The following IL37 variants were observed in gnomAD, a reference collection of about 807,000 sequenced individuals.
IL37 encodes interleukin 37, also known as interleukin-37.
In IL37, 15 loss-of-function variants were observed where a neutral mutation model predicts 15.4. That is an observed-to-expected ratio of 0.98 (90% confidence interval 0.65 to 1.50). The LOEUF is 1.50. Among genes scored for constraint, IL37 ranks in the 40% most tolerant of loss-of-function variants. The pLI is 0.00. For synonymous variants in IL37, 98 were observed against 97.4 expected (o/e 1.01, Z -0.03); for missense variants, 269 against 261.7 (o/e 1.03, Z -0.19).
At chr2:112,913,342 AT>A (rs1683219661) in intron 2 of IL37, among the ~76,000 whole-genome samples, 1 of 152,244 alleles carries the variant, frequency 6.6e-6, no homozygotes, top group African/African-American at 2.4e-5. Context: ...GGGCTTTAGC[AT>A]CCTGTTTGCC....
At chr2:112,912,353 T>C (rs1558800430) in intron 1 of IL37, among the ~76,000 whole-genome samples, 3 of 152,240 alleles carry the variant, frequency 2.0e-5, no homozygotes, top group Non-Finnish European at 4.4e-5. Context: ...AATCCTACCC[T>C]AAGATATTAG....
Position 112,913,833 on chromosome 2 carries a change from A to G in IL37, c.124A>G (p.Thr42Ala), listed in dbSNP as rs3811047. 0.69 allele frequency: 1,117,699 copies of G among 1,611,040 alleles called. 395,174 individuals carry two copies. Among genetic ancestry groups the G allele is most frequent in the East Asian group, 0.81 (36,484 of 44,786 alleles). ...CCTGGAACCAGGCCCAAGCCTCCCC[A>G]CCATGAATTTTGTTCACACAAGTAA... is the stretch of plus-strand genomic sequence containing the variant. ...SPLEPGPSLP[T>A]MNFVHTSPKV... The change falls in exon 3 of 6, where the codon ACC becomes GCC. Residue 42 changes from threonine to alanine, a missense_variant. Physicochemically the swap from Thr to Ala is moderately conservative, Grantham distance 58. Coordinates refer to ENST00000263326, the MANE Select transcript of IL37 (RefSeq NM_014439.4).
chr2:112,918,089 A>G (rs1158377659), intron 5 of IL37, among the ~76,000 whole-genome samples: 1 of 152,162 alleles, frequency 6.6e-6, no homozygotes, highest in Non-Finnish European at 1.5e-5. Context: ...TCCATGTGGC[A>G]AGCAACACAA....
chr2:112,911,952 A>C (rs1683187214), intron 1 of IL37, among the ~76,000 whole-genome samples: 1 of 152,192 alleles, frequency 6.6e-6, no homozygotes, highest in Non-Finnish European at 1.5e-5. Flanking sequence ...CAAATAGCAG[A>C]TATCCCTGTT....
At position 112,918,850 on chromosome 2, in the gene IL37, A is replaced by C; in HGVS notation, c.*41A>C. ...AACGCCTTCCTCGCTAATTTGAACT[A>C]ATTGTATAAAAACACCAAACCTGCT... On this transcript the variant is annotated 3_prime_UTR_variant, in exon 6 of 6. Transcript: ENST00000263326. The C allele has an allele frequency of 1.3e-6, 2 of 1,578,632 alleles. No homozygotes were observed. Among genetic ancestry groups the C allele is most frequent in the Non-Finnish European group, 1.7e-6 (2 of 1,159,372 alleles).
chr2:112,917,230 A>G lies in IL37; in HGVS notation c.247A>G (p.Lys83Glu), dbSNP rs749302890. 5 of 1,613,994 alleles carry G rather than the reference A, an allele frequency of 3.1e-6. No homozygotes were observed. Among genetic ancestry groups the G allele is most frequent in the African/African-American group, 2.7e-5 (2 of 74,930 alleles). ...TGGGAATCTCATAGCAGTTCCAGATAAAAACTACATACGCCCAGGTGACTC... is the reference window on the plus strand; with the variant it reads ...TGGGAATCTCATAGCAGTTCCAGATGAAAACTACATACGCCCAGGTGACTC... ...DSGNLIAVPD[K>E]NYIRPEIFFA... The change falls in exon 4 of 6, where the codon AAA (lysine) becomes GAA (glutamate). Residue 83 changes from lysine to glutamate, a missense_variant. Physicochemically the swap from Lys to Glu is moderately conservative, Grantham distance 56. Coordinates refer to ENST00000263326, the MANE Select transcript of IL37 (RefSeq NM_014439.4).
intron 5 of IL37, 108 bp from the exon 6 acceptor site, chr2:112,918,451 TTC>T (rs1316328096): frequency 7.9e-7 from 1 of 1,270,866 alleles, no homozygotes; most frequent in Non-Finnish European, 1.1e-6. Context: ...ACCATCTGCC[TTC>T]TCTCTTTTCC....
At position 112,917,751 on chromosome 2, in the gene IL37, CAA is replaced by C; in HGVS notation, c.384_385del (p.His130SerfsTer28). 6.2e-7 allele frequency: 1 copy of C among 1,614,178 alleles called. No individual in the cohort carries two copies. Among genetic ancestry groups the C allele is most frequent in the Non-Finnish European group, 8.5e-7 (1 of 1,180,016 alleles). ...FCLYCDKDKG[Q>X]SHPSLQLKKE... Reference sequence around the variant, plus strand: ...TCTCTACTGTGACAAGGATAAAGGACAAAGTCATCCATCCCTTCAGCTGAAGG... The same window carrying C: ...TCTCTACTGTGACAAGGATAAAGGACAGTCATCCATCCCTTCAGCTGAAGG... On this transcript the variant is annotated frameshift_variant, in exon 5 of 6. Coordinates refer to ENST00000263326, the MANE Select transcript of IL37 (RefSeq NM_014439.4). LOFTEE classifies it low-confidence loss of function (END_TRUNC).
chr2:112,917,102 T>C, intron 3 of IL37, 27 bp from the exon 4 acceptor site: 1 of 1,611,998 alleles, frequency 6.2e-7, no homozygotes, highest in Non-Finnish European at 8.5e-7. Flanking sequence ...CAATGTGAAG[T>C]GTTGATATCT....
Position 112,917,117 on chromosome 2 carries a change from A to G in IL37, c.146-12A>G, listed in dbSNP as rs1377019262. The G allele has an allele frequency of 3.7e-6, 6 of 1,613,408 alleles. No individual in the cohort carries two copies. Among genetic ancestry groups the G allele is most frequent in the Non-Finnish European group, 5.1e-6 (6 of 1,179,706 alleles). On this transcript the variant is annotated splice_polypyrimidine_tract_variant and intron_variant, in intron 3 of 5. Coordinates refer to ENST00000263326, the MANE Select transcript of IL37 (RefSeq NM_014439.4). ...CAATGTGAAGTGTTGATATCTGGTG[A>G]TATTGATCTAGGTCCAAAGGTGAAG...
intron 5 of IL37, 150 bp from the exon 6 acceptor site, chr2:112,918,411 A>T: frequency 1.2e-6 from 1 of 823,152 alleles, no homozygotes; most frequent in Non-Finnish European, 1.9e-6. Context: ...AAATACCAGT[A>T]CCAAGGCTGA....
rs1683233023 is a variant in IL37 at position 112,913,730 on chromosome 2, A to G, written c.83-62A>G. The G allele has an allele frequency of 1.0e-5, 14 of 1,333,572 alleles. No homozygotes were observed. In the South Asian group the frequency reaches 1.7e-4, roughly 16 times the overall value. 82.6% of individuals were successfully genotyped at this position (1,333,572 alleles called of 1,614,324 possible). A position where few individuals can be genotyped will look rare whatever the true frequency, so the allele number is the denominator to read the frequency against. On this transcript the variant is annotated intron_variant, in intron 2 of 5. Coordinates refer to ENST00000263326, the MANE Select transcript of IL37 (RefSeq NM_014439.4). ...AGAAGAGGGAATTAAATGGTCTTTG[A>G]TACCCCTAAATCCTTGGAAAATCCG... is the stretch of plus-strand genomic sequence containing the variant.
At chr2:112,912,904 G>T in intron 1 of IL37, 59 bp from the exon 2 acceptor site, 1 of 741,144 alleles carries the variant, frequency 1.3e-6, no homozygotes, top group Non-Finnish European at 2.2e-6. Context: ...CTAGAGACAT[G>T]CAGCAAGGTG....
rs768749773 is a variant in IL37 at position 112,918,836 on chromosome 2, C to T, written c.*27C>T. The T allele has an allele frequency of 6.3e-6, 10 of 1,594,590 alleles. No individual in the cohort carries two copies. Among genetic ancestry groups the T allele is most frequent in the African/African-American group, 1.3e-5 (1 of 74,500 alleles). On this transcript the variant is annotated 3_prime_UTR_variant, in exon 6 of 6. Coordinates refer to ENST00000263326, the MANE Select transcript of IL37 (RefSeq NM_014439.4). ...AAACTGCCCCATTGAACGCCTTCCT[C>T]GCTAATTTGAACTAATTGTATAAAA...
At chr2:112,913,906 T>C (rs748771593) in intron 3 of IL37, 52 bp downstream of exon 3, 1 of 1,410,580 alleles carries the variant, frequency 7.1e-7, no homozygotes, top group Non-Finnish European at 1.0e-6. Context: ...AGGGTGGGGA[T>C]GGGGGATGGA....
intron 3 of IL37, among the ~76,000 whole-genome samples, chr2:112,916,761 G>A (rs1235973461): frequency 6.6e-6 from 1 of 152,236 alleles, no homozygotes; most frequent in Non-Finnish European, 1.5e-5. Flanking sequence ...CAGGCTAAGT[G>A]CTACTTATTT....
At chr2:112,912,774 G>C (rs1174644657) in intron 1 of IL37, among the ~76,000 whole-genome samples, 189 bp from the exon 2 acceptor site, 2 of 152,340 alleles carry the variant, frequency 1.3e-5, no homozygotes, top group African/African-American at 4.8e-5. Context: ...GTGACTCAAG[G>C]TTTGGGAAAT....
chr2:112,915,290 T>C, intron 3 of IL37: 1 of 1,587,626 alleles, frequency 6.3e-7, no homozygotes, highest in East Asian at 2.2e-5. Flanking sequence ...GCTAGAAAAG[T>C]AGCTTCTTAA....
rs765521039 is a variant in IL37 at position 112,918,765 on chromosome 2, C to T, written c.613C>T (p.Pro205Ser). The T allele has an allele frequency of 2.5e-6, 4 of 1,614,098 alleles. No homozygotes were observed. The Admixed American group carries it at 6.7e-5, about 27-fold the overall frequency. The change falls in exon 6 of 6, where the codon CCA (proline) becomes TCA (serine). Residue 205 changes from proline (P) to serine (S), a missense_variant. Physicochemically the swap from Pro to Ser is moderately conservative, Grantham distance 74 (BLOSUM62 -1). Coordinates refer to ENST00000263326, the MANE Select transcript of IL37 (RefSeq NM_014439.4). The stretch of plus-strand genomic sequence containing the variant: ...GAAACACATTGAATTTTCATTTCAA[C>T]CAGTTTGCAAAGCTGAAATGAGCCC... ...NRKHIEFSFQPVCKAEMSPSE... is the reference protein window; with the variant it reads ...NRKHIEFSFQSVCKAEMSPSE...
Sources: gnomAD v4.1 joint callset for allele counts (sites outside exome capture counted in the v4.1 genomes callset) on GRCh38, gnomAD v4.1.1 for gene constraint, MANE v1.5 for transcripts, NCBI Gene and HGNC (gene_info 2026-07-23, HGNC 2026-07-21) for gene names.